The following GABRR1 variants were observed in gnomAD, a reference collection of about 807,000 sequenced individuals.
The protein encoded by GABRR1 is gamma-aminobutyric acid receptor subunit rho-1.
Under a neutral mutation model 55.5 loss-of-function variants are expected in GABRR1, and 59 were observed. The ratio of observed to expected loss-of-function variants is 1.06; its 90% CI spans 0.86 to 1.32. The LOEUF is 1.32. Ranked by LOEUF, GABRR1 falls within the 40% of genes most tolerant of loss-of-function variation. The pLI is 0.00. For synonymous variants in GABRR1, 213 were observed against 226.0 expected (o/e 0.94, Z 0.51); for missense variants, 602 against 619.1 (o/e 0.97, Z 0.29).
chr6:89,205,702 C>A (rs997372003), intron 1 of GABRR1: 2 of 152,084 alleles, frequency 1.3e-5, no homozygotes, highest in Non-Finnish European at 2.9e-5. Flanking sequence ...AGCTAATGGC[C>A]GAGCATCTGA....
rs773244714 is a variant in GABRR1, at chr6:89,182,064, G to C, written c.797-7C>G. On this transcript the variant is annotated splice_polypyrimidine_tract_variant and splice_region_variant and intron_variant, in intron 7 of 9. Coordinates refer to ENST00000454853, the MANE Select transcript of GABRR1 (RefSeq NM_002042.5). Reference sequence around the variant, plus strand: ...TAGAGACGGTTGTACCAGCCTGGGGGACACAGGAATAAAAGACAGTACACA... The same window carrying C: ...TAGAGACGGTTGTACCAGCCTGGGGCACACAGGAATAAAAGACAGTACACA... The C allele has an allele frequency of 1.9e-6, 3 of 1,613,554 alleles. No individual in the cohort carries two copies. Among genetic ancestry groups the C allele is most frequent in the African/African-American group, 1.3e-5 (1 of 74,854 alleles).
intron 5 of GABRR1, among the ~76,000 whole-genome samples, chr6:89,190,562 T>C (rs1772055482): frequency 6.6e-6 from 1 of 152,248 alleles, no homozygotes. Context: ...TTACATGATA[T>C]GGTTTCTTAA....
intron 1 of GABRR1, among the ~76,000 whole-genome samples, chr6:89,209,218 C>CT (rs1374225914): frequency 1.3e-5 from 2 of 151,992 alleles, no homozygotes; most frequent in African/African-American, 4.8e-5. Flanking sequence ...ATTCCTATGC[C>CT]TGGGAATACC....
chr6:89,198,857 A>C (rs440562), intron 4 of GABRR1, among the ~76,000 whole-genome samples: 89,052 of 151,728 alleles, frequency 0.59, 26,626 homozygotes, highest in East Asian at 0.93. Flanking sequence ...TATGCTTGTG[A>C]CTGCTTGTCT....
chr6:89,182,581 T>C (rs1372864326), intron 7 of GABRR1, among the ~76,000 whole-genome samples: 1 of 152,176 alleles, frequency 6.6e-6, no homozygotes, highest in Non-Finnish European at 1.5e-5. Flanking sequence ...TGAACTACCA[T>C]CACGCCTGGG....
intron 5 of GABRR1, among the ~76,000 whole-genome samples, chr6:89,191,448 A>G (rs1383795896): frequency 6.6e-6 from 1 of 152,234 alleles, no homozygotes; most frequent in Non-Finnish European, 1.5e-5. Context: ...CTTTAGAGAC[A>G]TAGAATGCCC....
intron 1 of GABRR1, among the ~76,000 whole-genome samples, chr6:89,226,666 A>G (rs1439945805): frequency 3.1e-5 from 3 of 98,052 alleles, no homozygotes; most frequent in South Asian, 3.5e-4. Flanking sequence ...TGGTTACTGT[A>G]GCCTTGTAGT....
intron 5 of GABRR1, among the ~76,000 whole-genome samples, chr6:89,191,111 A>G (rs1305587109): frequency 1.3e-5 from 2 of 152,288 alleles, no homozygotes; most frequent in Non-Finnish European, 2.9e-5. Context: ...ATTTAAATGG[A>G]AATTTCAAGG....
chr6:89,186,138 G>C (rs1341260781), intron 6 of GABRR1, among the ~76,000 whole-genome samples: 1 of 152,206 alleles, frequency 6.6e-6, no homozygotes, highest in Non-Finnish European at 1.5e-5. Context: ...TGCCAGTCCA[G>C]CCTGTTGATG....
At chr6:89,211,038 G>A (rs1772819367) in intron 1 of GABRR1, among the ~76,000 whole-genome samples, 1 of 152,134 alleles carries the variant, frequency 6.6e-6, no homozygotes, top group African/African-American at 2.4e-5. Flanking sequence ...TGTGAGCATG[G>A]GAGCAGCAGG....
intron 5 of GABRR1, among the ~76,000 whole-genome samples, chr6:89,191,622 T>A (rs3798257): frequency 6.6e-6 from 1 of 152,046 alleles, no homozygotes; most frequent in African/African-American, 2.4e-5. Flanking sequence ...AAAGCAACCA[T>A]TTGTGATGTA....
chr6:89,199,834 T>C (rs1242092927), intron 3 of GABRR1, among the ~76,000 whole-genome samples: 2 of 152,312 alleles, frequency 1.3e-5, no homozygotes, highest in East Asian at 1.9e-4. Context: ...TGTTTGGTAA[T>C]AGGAACTCAG....
At chr6:89,208,452 T>A (rs1562309558) in intron 1 of GABRR1, among the ~76,000 whole-genome samples, 1 of 152,258 alleles carries the variant, frequency 6.6e-6, no homozygotes, top group East Asian at 1.9e-4. Flanking sequence ...ATGGTACTTG[T>A]TCTGGTCAAA....
intron 1 of GABRR1, among the ~76,000 whole-genome samples, chr6:89,216,830 G>A (rs1485331807): frequency 1.3e-5 from 2 of 152,134 alleles, no homozygotes; most frequent in Admixed American, 6.6e-5. Context: ...TGAAATACAG[G>A]TCCCATTGGT....
At chr6:89,190,641 A>G (rs1772057852) in intron 5 of GABRR1, among the ~76,000 whole-genome samples, 1 of 152,126 alleles carries the variant, frequency 6.6e-6, no homozygotes, top group Non-Finnish European at 1.5e-5. Flanking sequence ...TCTTTTATTG[A>G]TTTTATTGAT....
At chr6:89,220,372 T>C (rs1773096202), upstream of GABRR1, among the ~76,000 whole-genome samples, 1 of 152,176 alleles carries the variant, frequency 6.6e-6, no homozygotes, top group Non-Finnish European at 1.5e-5. Flanking sequence ...ACAAGGCCAC[T>C]TCCTCCATCC....
At chr6:89,219,749 G>GTGC (rs1226947590), upstream of GABRR1, among the ~76,000 whole-genome samples, 1 of 152,090 alleles carries the variant, frequency 6.6e-6, no homozygotes, top group Non-Finnish European at 1.5e-5. Context: ...TATTCCTTTT[G>GTGC]TGCTGTGGAG....
At chr6:89,197,292 G>A (rs533041206) in intron 5 of GABRR1, among the ~76,000 whole-genome samples, 1 of 152,308 alleles carries the variant, frequency 6.6e-6, no homozygotes, top group Admixed American at 6.5e-5. Context: ...AAACTGGAAT[G>A]CACCGTCCAC....
chr6:89,206,324 T>C (rs1450334721), intron 1 of GABRR1, among the ~76,000 whole-genome samples: 1 of 152,150 alleles, frequency 6.6e-6, no homozygotes, highest in Non-Finnish European at 1.5e-5. Flanking sequence ...TCCCACTCAC[T>C]TTTCCACTCA....
Sources: allele counts gnomAD v4.1 joint callset (sites outside exome capture counted in the v4.1 genomes callset), GRCh38; gene constraint gnomAD v4.1.1; transcripts MANE v1.5; gene names NCBI Gene and HGNC (gene_info 2026-07-23, HGNC 2026-07-21).